Variants in SH3TC1 observed in about 807,000 individuals in gnomAD.
SH3TC1 encodes SH3 domain and tetratricopeptide repeat-containing protein 1.
A neutral mutation model predicts 117.3 loss-of-function variants in SH3TC1; 135 were observed. The observed-to-expected ratio is 1.15, with a 90% CI of 1.00 to 1.33. The LOEUF (loss-of-function observed/expected upper bound fraction) is 1.33, where lower values mean the gene tolerates loss of function less well. Ranked by LOEUF, SH3TC1 falls within the 40% of genes most tolerant of loss-of-function variation. The probability of loss-of-function intolerance (pLI) is 0.00; values close to 1 mark genes in which losing one functional copy is unlikely to be tolerated. For synonymous variants in SH3TC1, 898 were observed against 816.9 expected, an observed-to-expected ratio of 1.10 and a Z score of -1.69; for missense variants, 2,092 against 1,794.3, an observed-to-expected ratio of 1.17 and a Z score of -3.00.
intron 1 of SH3TC1, among the ~76,000 whole-genome samples, chr4:8,200,384 G>A (rs937595470): frequency 6.6e-6 from 1 of 152,200 alleles, no homozygotes; most frequent in African/African-American, 2.4e-5. Flanking sequence ...CCTTGGGCAG[G>A]CAGAGTCACC....
chr4:8,187,509 A>ATTTGT (rs1717264380), intron 1 of SH3TC1, among the ~76,000 whole-genome samples: 1 of 148,828 alleles, frequency 6.7e-6, no homozygotes, highest in South Asian at 2.2e-4. Context: ...CCCATGACTT[A>ATTTGT]TTTGTACTGG....
At chr4:8,207,769 A>G (rs938266215) in intron 2 of SH3TC1, among the ~76,000 whole-genome samples, 1 of 152,194 alleles carries the variant, frequency 6.6e-6, no homozygotes, top group Non-Finnish European at 1.5e-5. Flanking sequence ...GGGACATGAG[A>G]TATTCCAGGC....
At chr4:8,204,621 C>T (rs1052280858) in intron 1 of SH3TC1, among the ~76,000 whole-genome samples, 8 of 152,170 alleles carry the variant, frequency 5.3e-5, no homozygotes, top group South Asian at 2.1e-4. Flanking sequence ...TGTCTGAGGC[C>T]GGAGCTGAGG....
At position 8,210,152 on chromosome 4, in the gene SH3TC1, G is replaced by A. The variant is rs1001280384; in HGVS notation, c.247+330G>A. Among the ~76,000 whole-genome samples the A allele has an allele frequency of 6.6e-5, 10 of 152,200 alleles. No individual in the cohort carries two copies. The highest frequency in any genetic ancestry group is 1.0e-4 in the Non-Finnish European group (7 of 68,014). On this transcript the variant is annotated intron_variant, in intron 3 of 17. Coordinates refer to ENST00000245105, the MANE Select transcript of SH3TC1 (RefSeq NM_018986.5). The surrounding 1 kb of genome is among the most constrained non-coding windows in gnomAD (Gnocchi z 4.1). Reference sequence around the variant, plus strand: ...AGAGGTAGACGAAAGTACCCACTGCGTCGTGGGGTGAGGTGTCCAGGCACA... The same window carrying A: ...AGAGGTAGACGAAAGTACCCACTGCATCGTGGGGTGAGGTGTCCAGGCACA...
intron 2 of SH3TC1, among the ~76,000 whole-genome samples, chr4:8,208,015 C>G (rs751842547): frequency 2.0e-5 from 3 of 152,200 alleles, no homozygotes; most frequent in Non-Finnish European, 2.9e-5. Context: ...TCAGCAGTGG[C>G]GGGCTGGACA....
intron 12 of SH3TC1, chr4:8,231,317 C>G (rs2152994427): frequency 6.5e-6 from 1 of 152,772 alleles, no homozygotes; most frequent in Admixed American, 6.5e-5. Flanking sequence ...CGTGGCCTGT[C>G]TTGGGGAATG....
Position 8,190,444 on chromosome 4 carries a change from C to T in SH3TC1, c.-57+8234C>T, listed in dbSNP as rs1220267972. On this transcript the variant is annotated intron_variant, in intron 1 of 16. Transcript: ENST00000508641. This position sits in a 1 kb window ranked among gnomAD's most constrained non-coding sequence, Gnocchi z 4.7. Reference sequence around the variant, plus strand: ...AGTTGGGGCTCTGAGGAGTTCGGGCCTATGGGATTGGAGGTCCTGGGGGGA... The same window carrying T: ...AGTTGGGGCTCTGAGGAGTTCGGGCTTATGGGATTGGAGGTCCTGGGGGGA... Among the ~76,000 whole-genome samples, 2 of 152,170 alleles carry T rather than the reference C, an allele frequency of 1.3e-5. No homozygotes were observed. Among genetic ancestry groups the T allele is most frequent in the Non-Finnish European group, 2.9e-5 (2 of 68,020 alleles).
chr4:8,234,324 A>G (rs983580800), intron 14 of SH3TC1, among the ~76,000 whole-genome samples: 3 of 150,950 alleles, frequency 2.0e-5, no homozygotes, highest in African/African-American at 7.3e-5. Flanking sequence ...CCATTAATCC[A>G]TCCCTCCATT....
upstream of SH3TC1, among the ~76,000 whole-genome samples, chr4:8,195,969 C>A (rs898771753): frequency 2.0e-5 from 3 of 152,148 alleles, no homozygotes; most frequent in Non-Finnish European, 4.4e-5. Context: ...ATGGGGGTGA[C>A]GAGGCCAGGG....
rs780736932 is a variant in SH3TC1 at position 8,216,222 on chromosome 4, T to A, written c.593T>A (p.Leu198Ter). ...AIQVHVDENALRLTHESLLIQ... is the reference protein window; with the variant it reads ...AIQVHVDENA ...CAAGTCCATGTGGATGAGAACGCCT[T>A]AAGGCTGACCCACGAGAGCCTCCTC... The change falls in exon 6 of 18, where the codon TTA (leucine) becomes TAA (stop). Residue 198 changes from leucine to a stop codon, truncating the protein, a stop_gained. Coordinates refer to ENST00000245105, the MANE Select transcript of SH3TC1 (RefSeq NM_018986.5). LOFTEE classifies it high-confidence loss of function. 5.0e-6 allele frequency: 8 copies of A among 1,613,752 alleles called. No homozygotes were observed. The Admixed American group carries it at 5.0e-5, about 10-fold the overall frequency.
intron 1 of SH3TC1, chr4:8,201,777 C>G (rs1270997873): frequency 1.3e-5 from 2 of 152,334 alleles, no homozygotes; most frequent in African/African-American, 4.8e-5. Context: ...TGAGTACCAG[C>G]TGTGTGCCAG....
intron 15 of SH3TC1, chr4:8,235,941 C>T (rs564537758): frequency 5.3e-6 from 2 of 376,500 alleles, no homozygotes; most frequent in Non-Finnish European, 9.6e-6. Flanking sequence ...GACGGCTTCC[C>T]CCTTCCTCTG....
In SH3TC1 at chr4:8,228,605, T is replaced by C; in HGVS notation, c.2911T>C (p.Trp971Arg). The change falls in exon 12 of 18, where the codon TGG (tryptophan) becomes CGG (arginine). Residue 971 changes from tryptophan (W) to arginine (R), a missense_variant. Transcript: ENST00000245105. The part of the protein sequence containing the change: ...PAQQGKGYYE[W>R]ALLVAVEMGH... ...CCAGCAGGGCAAGGGCTACTACGAG[T>C]GGGCCCTTCTGGTCGCCGTGGAGAT... 1 of 1,541,542 alleles carries C rather than the reference T, an allele frequency of 6.5e-7. No homozygotes were observed. Among genetic ancestry groups the C allele is most frequent in the South Asian group, 1.3e-5 (1 of 79,310 alleles).
In SH3TC1 at chr4:8,190,697, G is replaced by A. The variant is rs1678304; in HGVS notation, c.-57+8487G>A. ...GCTCTGTCGCCCAGGCTGGAGTGCA[G>A]TAGTGTGGTTATCGCTCGCTGCAGC... On this transcript the variant is annotated intron_variant, in intron 1 of 16. Transcript: ENST00000508641. This position sits in a 1 kb window ranked among gnomAD's most constrained non-coding sequence, Gnocchi z 4.7. Among the ~76,000 whole-genome samples the A allele has an allele frequency of 0.012, 1,817 of 152,170 alleles. 9 individuals carry two copies. Among genetic ancestry groups the A allele is most frequent in the Non-Finnish European group, 0.019 (1,314 of 67,982 alleles).
chr4:8,237,986 G>A (rs1721976075), intron 17 of SH3TC1, among the ~76,000 whole-genome samples: 1 of 152,186 alleles, frequency 6.6e-6, no homozygotes, highest in Non-Finnish European at 1.5e-5. Context: ...GCTGAGTCTT[G>A]GCAGTCAAGT....
At chr4:8,223,384 A>G (rs917763311) in intron 10 of SH3TC1, among the ~76,000 whole-genome samples, 3 of 152,196 alleles carry the variant, frequency 2.0e-5, no homozygotes, top group Non-Finnish European at 2.9e-5. Flanking sequence ...GAAAGAACCC[A>G]GACTGTGGTG....
chr4:8,235,382 G>A (rs370799486), intron 14 of SH3TC1, 51 bp from the exon 15 acceptor site: 50 of 1,415,654 alleles, frequency 3.5e-5, no homozygotes, highest in Non-Finnish European at 4.3e-5. Context: ...CTGGGTGGGC[G>A]TGGCCACCTC....
intron 1 of SH3TC1, among the ~76,000 whole-genome samples, chr4:8,187,020 C>T (rs977222484): frequency 3.3e-5 from 5 of 152,076 alleles, no homozygotes; most frequent in Admixed American, 1.3e-4. Flanking sequence ...TCCTGCCCGA[C>T]TTCCCTTGCC....
chr4:8,222,361 GTTTTTTTTTTTTTTTTTT>G lies in SH3TC1; in HGVS notation c.1113-466_1113-449del, dbSNP rs5856006. On this transcript the variant is annotated intron_variant, in intron 9 of 17. Transcript: ENST00000245105. Reference sequence around the variant, plus strand: ...AGGCACCCCTTGAGGTCAGGATCTGGTTTTTTTTTTTTTTTTTTTTTTTTTTTTTTCAGACAAAGTCTT... The same window carrying G: ...AGGCACCCCTTGAGGTCAGGATCTGGTTTTTTTTTTTTCAGACAAAGTCTT... Among the ~76,000 whole-genome samples, 10 of 40,320 alleles carry G rather than the reference GTTTTTTTTTTTTTTTTTT, an allele frequency of 2.5e-4. No individual in the cohort carries two copies. The South Asian group carries it at 0.014, about 57-fold the overall frequency. 26.5% of individuals were successfully genotyped at this position (40,320 alleles called of 152,430 possible). A position where few individuals can be genotyped will look rare whatever the true frequency, so the allele number is the denominator to read the frequency against.
Sources: gnomAD v4.1 joint callset for allele counts (sites outside exome capture counted in the v4.1 genomes callset) on GRCh38, gnomAD v4.1.1 for gene constraint, Gnocchi (gnomAD v3.1) non-coding constraint, MANE v1.5 for transcripts, NCBI Gene and HGNC (gene_info 2026-07-23, HGNC 2026-07-21) for gene names.